Variants in TM9SF2 observed in about 807,000 individuals in gnomAD.
TM9SF2 encodes 76 kDa membrane protein.
Under a neutral mutation model 84.9 loss-of-function variants are expected in TM9SF2, and 13 were observed. The ratio of observed to expected loss-of-function variants is 0.15; its 90% CI spans 0.10 to 0.24. The LOEUF (loss-of-function observed/expected upper bound fraction) is 0.24. TM9SF2 is among the 10% of genes least tolerant of loss of function. The pLI is 1.00. For missense variants in TM9SF2, 562 were observed against 818.5 expected (o/e 0.69, Z 3.82); for synonymous variants, 273 against 285.8 (o/e 0.96, Z 0.45).
chr13:99,542,066 G>A (rs945211426), intron 9 of TM9SF2, among the ~76,000 whole-genome samples: 81 of 151,380 alleles, frequency 5.4e-4, no homozygotes, highest in African/African-American at 1.8e-3. Context: ...CAGGAGAATT[G>A]CTTGAACCCA....
chr13:99,554,221 A>ATAATCTCGTGTAG, intron 13 of TM9SF2, 83 bp from the exon 14 acceptor site: 2 of 1,500,486 alleles, frequency 1.3e-6, no homozygotes, highest in South Asian at 2.6e-5. Flanking sequence ...AGCTGAAAAA[A>ATAATCTCGTGTAG]AGCAGGCAAA....
intron 12 of TM9SF2, among the ~76,000 whole-genome samples, chr13:99,549,645 C>T (rs535214575): frequency 7.2e-5 from 11 of 152,038 alleles, no homozygotes; most frequent in Non-Finnish European, 1.5e-4. Flanking sequence ...TAATATACAC[C>T]AAAAATAAAA....
chr13:99,505,174 C>T (rs1193383404), intron 1 of TM9SF2, among the ~76,000 whole-genome samples: 1 of 118,130 alleles, frequency 8.5e-6, no homozygotes, highest in African/African-American at 3.1e-5. Flanking sequence ...TTTTTTGAGA[C>T]GGAGTTTTGC....
chr13:99,560,192 G>A (rs571594383), intron 16 of TM9SF2, among the ~76,000 whole-genome samples: 2 of 152,282 alleles, frequency 1.3e-5, no homozygotes, highest in East Asian at 1.9e-4. Context: ...AACGCTGCCC[G>A]AAGCGTGCAT....
At chr13:99,558,689 A>G (rs1034415324) in intron 15 of TM9SF2, among the ~76,000 whole-genome samples, 8 of 151,776 alleles carry the variant, frequency 5.3e-5, no homozygotes, top group African/African-American at 1.7e-4. Flanking sequence ...ATACCCTGCA[A>G]TTTTGCTGCA....
chr13:99,559,160 C>T (rs1448705097), intron 15 of TM9SF2, among the ~76,000 whole-genome samples: 1 of 152,102 alleles, frequency 6.6e-6, no homozygotes, highest in Non-Finnish European at 1.5e-5. Context: ...TTAAGCAGCC[C>T]CACCAAAGAC....
intron 10 of TM9SF2, among the ~76,000 whole-genome samples, chr13:99,546,420 A>G (rs1052669690): frequency 1.3e-5 from 2 of 152,166 alleles, no homozygotes; most frequent in African/African-American, 4.8e-5. Flanking sequence ...CCACGTGAAT[A>G]AGGTAGGGCC....
At chr13:99,527,804 G>C (rs2046190623) in intron 3 of TM9SF2, among the ~76,000 whole-genome samples, 1 of 152,160 alleles carries the variant, frequency 6.6e-6, no homozygotes, top group African/African-American at 2.4e-5. Flanking sequence ...AGCATGCTAG[G>C]TGTTTTGCAC....
At chr13:99,554,828 A>G (rs898299821) in intron 14 of TM9SF2, among the ~76,000 whole-genome samples, 14 of 152,174 alleles carry the variant, frequency 9.2e-5, no homozygotes, top group Non-Finnish European at 5.9e-5. Context: ...CTCCAAACCT[A>G]TGTTCCTAAC....
chr13:99,558,095 A>C (rs1348853406), intron 15 of TM9SF2, among the ~76,000 whole-genome samples: 2 of 152,190 alleles, frequency 1.3e-5, no homozygotes. Context: ...TCCTCATTTA[A>C]TGGTCTTGGC....
At chr13:99,503,709 CAAAAAAAAAAAA>C (rs386380419) in intron 1 of TM9SF2, among the ~76,000 whole-genome samples, 3 of 78,502 alleles carry the variant, frequency 3.8e-5, no homozygotes, top group Non-Finnish European at 5.1e-5. Context: ...GACTTTGTCT[CAAAAAAAAAAAA>C]AAAAAAAAAA....
At chr13:99,552,881 G>C (rs1024887009) in intron 13 of TM9SF2, among the ~76,000 whole-genome samples, 3 of 152,354 alleles carry the variant, frequency 2.0e-5, no homozygotes, top group African/African-American at 7.2e-5. Context: ...ACAAAGCTTA[G>C]CTAAGTAAGC....
chr13:99,534,557 A>G (rs1301822495), intron 4 of TM9SF2, among the ~76,000 whole-genome samples: 2 of 152,246 alleles, frequency 1.3e-5, no homozygotes, highest in Non-Finnish European at 2.9e-5. Flanking sequence ...TTCTGAGTGC[A>G]TTGTGACAAT....
At chr13:99,551,992 T>C (rs2046307201) in intron 12 of TM9SF2, among the ~76,000 whole-genome samples, 175 bp from the exon 13 acceptor site, 1 of 152,254 alleles carries the variant, frequency 6.6e-6, no homozygotes, top group South Asian at 2.1e-4. Flanking sequence ...AAACCCAATC[T>C]GAAGAGCAAT....
chr13:99,537,918 G>A (rs1406842747), intron 6 of TM9SF2, 55 bp downstream of exon 6: 2 of 1,550,624 alleles, frequency 1.3e-6, no homozygotes, highest in African/African-American at 1.4e-5. Flanking sequence ...TAGACCCAAA[G>A]AATAAGTATT....
At chr13:99,508,614 C>T (rs1430420216) in intron 1 of TM9SF2, among the ~76,000 whole-genome samples, 2 of 152,076 alleles carry the variant, frequency 1.3e-5, no homozygotes, top group South Asian at 4.1e-4. Flanking sequence ...GCTGTACAAG[C>T]ATGGCACGGA....
At chr13:99,507,793 A>G (rs1185210987) in intron 1 of TM9SF2, among the ~76,000 whole-genome samples, 2 of 152,298 alleles carry the variant, frequency 1.3e-5, no homozygotes, top group African/African-American at 4.8e-5. Flanking sequence ...GTCATTTGCC[A>G]TGACCCTTGT....
intron 3 of TM9SF2, among the ~76,000 whole-genome samples, chr13:99,522,594 A>G (rs1003456403): frequency 2.6e-5 from 4 of 152,146 alleles, no homozygotes; most frequent in African/African-American, 7.2e-5. Context: ...AAATTTTACA[A>G]TCTTAAATAT....
intron 5 of TM9SF2, 120 bp from the exon 6 acceptor site, chr13:99,537,619 A>G: frequency 1.3e-6 from 1 of 785,890 alleles, no homozygotes; most frequent in Non-Finnish European, 1.9e-6. Flanking sequence ...TTAATGTGAA[A>G]GGCTTAAAAT....
Sources: allele counts gnomAD v4.1 joint callset (sites outside exome capture counted in the v4.1 genomes callset), GRCh38; gene constraint gnomAD v4.1.1; transcripts MANE v1.5; gene names NCBI Gene and HGNC (gene_info 2026-07-23, HGNC 2026-07-21).